The following MAP4K3 variants were observed in gnomAD, a reference collection of about 807,000 sequenced individuals.
MAP4K3 encodes mitogen-activated protein kinase kinase kinase kinase 3, also known as MAPK/ERK kinase kinase kinase 3.
A neutral mutation model predicts 143.5 loss-of-function variants in MAP4K3; 94 were observed. That is an observed-to-expected ratio of 0.65 (90% CI 0.55 to 0.78). MAP4K3 has a LOEUF of 0.78. MAP4K3 is among the 30% of genes least tolerant of loss of function. MAP4K3 has a pLI of 0.00. For synonymous variants in MAP4K3, 416 were observed against 347.2 expected (o/e 1.20, Z -2.20); for missense variants, 1,077 against 1,068.1 (o/e 1.01, Z -0.12).
intron 3 of MAP4K3, among the ~76,000 whole-genome samples, chr2:39,350,052 G>C (rs1665408380): frequency 6.6e-6 from 1 of 152,188 alleles, no homozygotes; most frequent in Admixed American, 6.5e-5. Context: ...CTAGGGGAAA[G>C]GGTGCTACTG....
At chr2:39,314,972 T>A (rs1393564585) in intron 13 of MAP4K3, among the ~76,000 whole-genome samples, 1 of 152,168 alleles carries the variant, frequency 6.6e-6, no homozygotes, top group Non-Finnish European at 1.5e-5. Context: ...TCAGATCCCA[T>A]CCCAGGTCTA....
chr2:39,261,020 A>G (rs1680547262), intron 28 of MAP4K3: 2 of 355,828 alleles, frequency 5.6e-6, no homozygotes, highest in Non-Finnish European at 1.0e-5. Context: ...TTTATAAGTC[A>G]CGTGTCCAAC....
intron 1 of MAP4K3, among the ~76,000 whole-genome samples, chr2:39,411,163 A>C (rs1667222655): frequency 6.6e-6 from 1 of 152,222 alleles, no homozygotes; most frequent in African/African-American, 2.4e-5. Flanking sequence ...ATGGATATTT[A>C]CATCAGAGAA....
rs531591113 is a variant in MAP4K3 at position 39,379,937 on chromosome 2, T to C, written c.97-1814A>G. The C allele has an allele frequency of 7.0e-5, 11 of 156,894 alleles. No individual in the cohort carries two copies. In the South Asian group the frequency reaches 2.1e-3, roughly 29 times the overall value. The allele number at this position is 156,894 out of a possible 1,614,324, so 9.7% of individuals were successfully genotyped here. On this transcript the variant is annotated intron_variant, in intron 1 of 33. Transcript: ENST00000263881. ...TGTACACAATGTACTCTTCTAAAAA[T>C]AGATTTACTAACACCAGCATATATT...
In MAP4K3 at chr2:39,251,832, G is replaced by C. The variant is rs1680163808; in HGVS notation, c.2595C>G (p.Asp865Glu). 1 of 1,613,144 alleles carries C rather than the reference G, an allele frequency of 6.2e-7. No individual in the cohort carries two copies. Among genetic ancestry groups the C allele is most frequent in the African/African-American group, 1.3e-5 (1 of 74,886 alleles). Residue 865 changes from aspartate (D) to glutamate (E), a missense_variant and splice_region_variant, in exon 33 of 34, where the codon GAC becomes GAG. This residue lies in a region of MAP4K3 where 864 missense variants were observed against 801.2 expected (regional missense o/e 1.08). Coordinates refer to ENST00000263881, the MANE Select transcript of MAP4K3 (RefSeq NM_003618.4). ...STRIFRLLGSDRVVVLESRPT... is the reference protein window; with the variant it reads ...STRIFRLLGSERVVVLESRPT... ...TTTAATACAGTCCGTTTTCATACCTGTCAGATCCAAGCAGCCTGAAAATTC... is the reference window on the plus strand; with the variant it reads ...TTTAATACAGTCCGTTTTCATACCTCTCAGATCCAAGCAGCCTGAAAATTC...
rs75091902 is a variant in MAP4K3, at chr2:39,364,206, T to C, written c.155-7867A>G. ...TGAAATTAGAATCTCAAAGAGACAT[T>C]TGCACTCCAGGAAGCAGAATGGTCA... On this transcript the variant is annotated intron_variant, in intron 2 of 33. Transcript: ENST00000263881. 3.3e-5 allele frequency among the ~76,000 whole-genome samples: 5 copies of C among 152,226 alleles called. No homozygotes were observed. The East Asian group carries it at 5.8e-4, about 18-fold the overall frequency.
chr2:39,349,646 G>C (rs1159949203), intron 3 of MAP4K3, among the ~76,000 whole-genome samples: 1 of 151,860 alleles, frequency 6.6e-6, no homozygotes, highest in African/African-American at 2.4e-5. Context: ...GAAGGGAAGA[G>C]AAGGGAGAGG....
At chr2:39,289,038 C>T (rs1003247968) in intron 19 of MAP4K3, among the ~76,000 whole-genome samples, 1 of 152,026 alleles carries the variant, frequency 6.6e-6, no homozygotes, top group Non-Finnish European at 1.5e-5. Context: ...GGCGAAAGAG[C>T]GAGACTCCAT....
chr2:39,429,153 G>A (rs1054200747), intron 1 of MAP4K3, among the ~76,000 whole-genome samples: 7 of 149,042 alleles, frequency 4.7e-5, no homozygotes, highest in African/African-American at 1.5e-4. Flanking sequence ...GAAACTACTA[G>A]TACAATGAGA....
chr2:39,260,392 T>G (rs2178760), intron 29 of MAP4K3, among the ~76,000 whole-genome samples: 3 of 152,058 alleles, frequency 2.0e-5, no homozygotes, highest in Non-Finnish European at 4.4e-5. Flanking sequence ...CTGGGATTAC[T>G]GGCGTGACCC....
chr2:39,344,652 G>T (rs9653515), intron 3 of MAP4K3, among the ~76,000 whole-genome samples: 134,691 of 152,204 alleles, frequency 0.88, 59,799 homozygotes, highest in Non-Finnish European at 0.92. Flanking sequence ...ATAATTTGAT[G>T]AATGCATAAT....
chr2:39,414,656 A>G (rs575554701), intron 1 of MAP4K3, among the ~76,000 whole-genome samples: 37 of 152,264 alleles, frequency 2.4e-4, no homozygotes, highest in African/African-American at 8.4e-4. Flanking sequence ...TGGGCGGATC[A>G]CGACATCAGG....
chr2:39,387,400 G>C (rs1203884256), intron 1 of MAP4K3, among the ~76,000 whole-genome samples: 1 of 152,100 alleles, frequency 6.6e-6, no homozygotes, highest in Admixed American at 6.6e-5. Flanking sequence ...TTTAGATATT[G>C]ATATCTTTCA....
At chr2:39,283,098 C>T (rs1029492966) in intron 21 of MAP4K3, among the ~76,000 whole-genome samples, 1 of 152,116 alleles carries the variant, frequency 6.6e-6, no homozygotes, top group Non-Finnish European at 1.5e-5. Context: ...CTGTATATAC[C>T]TACTTACACA....
intron 29 of MAP4K3, 43 bp downstream of exon 29, chr2:39,260,563 C>A (rs1174087228): frequency 2.0e-6 from 3 of 1,528,930 alleles, no homozygotes; most frequent in Non-Finnish European, 2.7e-6. Flanking sequence ...CTTATAAAAC[C>A]AGTATATGTA....
At chr2:39,274,265 G>A (rs1681156452) in intron 24 of MAP4K3, among the ~76,000 whole-genome samples, 1 of 148,488 alleles carries the variant, frequency 6.7e-6, no homozygotes, top group Non-Finnish European at 1.5e-5. Flanking sequence ...TGCCCAGGCT[G>A]GAGTGCAGTG....
intron 1 of MAP4K3, among the ~76,000 whole-genome samples, chr2:39,380,609 A>G (rs1573220587): frequency 6.6e-6 from 1 of 152,266 alleles, no homozygotes; most frequent in East Asian, 1.9e-4. Flanking sequence ...AACAGGATAA[A>G]ATATTCTAAG....
At chr2:39,308,924 C>A (rs1404895796) in intron 14 of MAP4K3, among the ~76,000 whole-genome samples, 1 of 151,456 alleles carries the variant, frequency 6.6e-6, no homozygotes, top group Admixed American at 6.6e-5. Flanking sequence ...AAAAATAACA[C>A]ATTTTAAAAA....
At chr2:39,398,736 A>ATAC (rs1247095427) in intron 1 of MAP4K3, among the ~76,000 whole-genome samples, 8 of 142,042 alleles carry the variant, frequency 5.6e-5, no homozygotes, top group Non-Finnish European at 7.5e-5. Context: ...AATAATAATA[A>ATAC]TAATAATAAT....
Sources: gnomAD v4.1 joint callset for allele counts (sites outside exome capture counted in the v4.1 genomes callset) on GRCh38, gnomAD v4.1.1 for gene constraint, gnomAD v4.1.1 regional missense constraint, MANE v1.5 for transcripts, NCBI Gene and HGNC (gene_info 2026-07-23, HGNC 2026-07-21) for gene names.